Variants in TTC7B observed in about 807,000 individuals in gnomAD.
TTC7B encodes the protein tetratricopeptide repeat protein 7B.
Under a neutral mutation model 106.8 loss-of-function variants are expected in TTC7B, and 28 were observed. The ratio of observed to expected loss-of-function variants is 0.26; its 90% CI spans 0.19 to 0.36. The LOEUF (loss-of-function observed/expected upper bound fraction) is 0.36, where lower values mean the gene tolerates loss of function less well. TTC7B is among the 10% of genes least tolerant of loss of function. TTC7B has a pLI of 1.00. For synonymous variants in TTC7B, 405 were observed against 430.6 expected (o/e 0.94, Z 0.74); for missense variants, 862 against 1,076.4 (o/e 0.80, Z 2.79).
intron 5 of TTC7B, among the ~76,000 whole-genome samples, chr14:90,715,653 G>T (rs1366681220): frequency 6.6e-6 from 1 of 152,124 alleles, no homozygotes; most frequent in African/African-American, 2.4e-5. Context: ...TCACACTGCT[G>T]GTCAACAGGA....
chr14:90,525,994 A>G lies in TTC7B; in HGVS notation c.*15374T>C, dbSNP rs1232423740. 1 of 143,354 alleles carries G rather than the reference A, an allele frequency of 7.0e-6. No individual in the cohort carries two copies. The allele number at this position is 143,354 out of a possible 1,614,324, so 8.9% of individuals were successfully genotyped here. A position where few individuals can be genotyped will look rare whatever the true frequency, so the allele number is the denominator to read the frequency against. ...AAAAATAAAAAAAATAAAAAAAAAAAAGAAGTCTTTGTATTTTATATTTGT... is the reference window on the plus strand; with the variant it reads ...AAAAATAAAAAAAATAAAAAAAAAAGAGAAGTCTTTGTATTTTATATTTGT... On this transcript the variant is annotated 3_prime_UTR_variant, in exon 20 of 20. Transcript: ENST00000328459.
intron 19 of TTC7B, among the ~76,000 whole-genome samples, chr14:90,544,305 ATGCTGGAGTTCC>A (rs1362872411): frequency 6.6e-6 from 1 of 152,246 alleles, no homozygotes; most frequent in East Asian, 1.9e-4. Flanking sequence ...ACATGTGTCC[ATGCTGGAGTTCC>A]TGCATATGAC....
In TTC7B at chr14:90,531,463, AC is replaced by A. The variant is rs1889284123; in HGVS notation, c.*9904del. 6.6e-6 allele frequency: 1 copy of A among 151,796 alleles called. No individual in the cohort carries two copies. The highest frequency in any genetic ancestry group is 1.9e-4 in the East Asian group (1 of 5,182). The allele number at this position is 151,796 out of a possible 1,614,324, so 9.4% of individuals were successfully genotyped here. ...AAAACAAACAAAAAAAAAACAAAAAACAAAAATCAGCTGGACGTGATGGCGC... is the reference window on the plus strand; with the variant it reads ...AAAACAAACAAAAAAAAAACAAAAAAAAAAATCAGCTGGACGTGATGGCGC... On this transcript the variant is annotated 3_prime_UTR_variant, in exon 20 of 20. Coordinates refer to ENST00000328459, the MANE Select transcript of TTC7B (RefSeq NM_001010854.2).
chr14:90,785,889 C>T (rs1268803104), intron 2 of TTC7B, among the ~76,000 whole-genome samples: 5 of 152,246 alleles, frequency 3.3e-5, no homozygotes, highest in South Asian at 2.1e-4. Context: ...TGGGTTATAT[C>T]GGATAGCTTT....
intron 4 of TTC7B, among the ~76,000 whole-genome samples, chr14:90,737,056 A>C (rs1889561988): frequency 6.6e-6 from 1 of 152,142 alleles, no homozygotes; most frequent in Non-Finnish European, 1.5e-5. Context: ...ATTCAACTAT[A>C]TACAGATTCA....
rs1799531420 is a variant in TTC7B at position 90,537,610 on chromosome 14, A to C, written c.*3758T>G. 6.6e-6 allele frequency: 1 copy of C among 152,152 alleles called. No individual in the cohort carries two copies. The highest frequency in any genetic ancestry group is 1.5e-5 in the Non-Finnish European group (1 of 68,160). The allele number at this position is 152,152 out of a possible 1,614,324, so 9.4% of individuals were successfully genotyped here. On this transcript the variant is annotated 3_prime_UTR_variant, in exon 20 of 20. Coordinates refer to ENST00000328459, the MANE Select transcript of TTC7B (RefSeq NM_001010854.2). ...ACCTCTTCTCATCCTTCACCACCTGACCATCCCCCTCCCCTCTGGGCCTTT... is the reference window on the plus strand; with the variant it reads ...ACCTCTTCTCATCCTTCACCACCTGCCCATCCCCCTCCCCTCTGGGCCTTT...
In TTC7B at chr14:90,745,520, C is replaced by T. The variant is rs78729036; in HGVS notation, c.446-598G>A. Reference sequence around the variant, plus strand: ...AATGTTGGATTTGCTCAAATCCTTTCTCCATGTTCATTGAGATAATCATAT... The same window carrying T: ...AATGTTGGATTTGCTCAAATCCTTTTTCCATGTTCATTGAGATAATCATAT... On this transcript the variant is annotated intron_variant, in intron 3 of 19. Transcript: ENST00000328459. 3.8e-3 allele frequency among the ~76,000 whole-genome samples: 575 copies of T among 152,212 alleles called. 2 individuals carry two copies. The highest frequency in any genetic ancestry group is 0.013 in the African/African-American group (556 of 41,506).
At chr14:90,581,827 G>A (rs565962360) in intron 18 of TTC7B, among the ~76,000 whole-genome samples, 46 of 152,294 alleles carry the variant, frequency 3.0e-4, no homozygotes, top group Middle Eastern at 3.4e-3. Context: ...CTCACTGGTC[G>A]CCAAGCCTGC....
chr14:90,661,551 G>A (rs1423256981), intron 9 of TTC7B, among the ~76,000 whole-genome samples: 1 of 152,062 alleles, frequency 6.6e-6, no homozygotes, highest in Non-Finnish European at 1.5e-5. Flanking sequence ...GATGAGGGAC[G>A]ATGGAGGAGG....
intron 4 of TTC7B, among the ~76,000 whole-genome samples, chr14:90,744,183 T>G (rs956398168): frequency 1.3e-5 from 2 of 152,130 alleles, no homozygotes; most frequent in Non-Finnish European, 2.9e-5. Flanking sequence ...CTCAACCCAT[T>G]TTATTAGGAA....
chr14:90,698,706 G>T, intron 5 of TTC7B: 1 of 153,896 alleles, frequency 6.5e-6, no homozygotes, highest in Admixed American at 6.5e-5. Flanking sequence ...ACTTGGAATC[G>T]TTCCCAACAG....
chr14:90,793,252 A>G (rs532165414), intron 1 of TTC7B, among the ~76,000 whole-genome samples: 1 of 152,264 alleles, frequency 6.6e-6, no homozygotes, highest in South Asian at 2.1e-4. Context: ...GGCCAGGCAC[A>G]GTGGCTCATG....
In TTC7B at chr14:90,689,832, A is replaced by G. The variant is rs908051965; in HGVS notation, c.778-120T>C. On this transcript the variant is annotated intron_variant, in intron 6 of 19. Transcript: ENST00000328459. ...GCTAAGCACTACTGCAAGGCTCATAATTAAAAATTTTTCCTTTACGATGGT... is the reference window on the plus strand; with the variant it reads ...GCTAAGCACTACTGCAAGGCTCATAGTTAAAAATTTTTCCTTTACGATGGT... 2.5e-6 allele frequency: 3 copies of G among 1,190,218 alleles called. No individual in the cohort carries two copies. The African/African-American group carries it at 4.6e-5, about 18-fold the overall frequency. The allele number at this position is 1,190,218 out of a possible 1,614,324, so 73.7% of individuals were successfully genotyped here.
intron 9 of TTC7B, chr14:90,675,227 T>C (rs1886783808): frequency 6.6e-6 from 1 of 152,274 alleles, no homozygotes; most frequent in African/African-American, 2.4e-5. Context: ...GAAGTAGATG[T>C]GTGCGTACCA....
At chr14:90,684,253 T>C (rs963530004) in intron 7 of TTC7B, among the ~76,000 whole-genome samples, 22 of 152,236 alleles carry the variant, frequency 1.4e-4, no homozygotes, top group Non-Finnish European at 1.2e-4. Flanking sequence ...TCTTCTGCTT[T>C]ACTTTGTGTT....
intron 17 of TTC7B, among the ~76,000 whole-genome samples, chr14:90,596,974 C>T (rs2139825873): frequency 6.6e-6 from 1 of 152,332 alleles, no homozygotes; most frequent in East Asian, 1.9e-4. Context: ...ACTCAAAGGA[C>T]ACTTCAGTGC....
chr14:90,801,406 T>C (rs1566895611), intron 1 of TTC7B, among the ~76,000 whole-genome samples: 1 of 152,046 alleles, frequency 6.6e-6, no homozygotes, highest in Admixed American at 6.5e-5. Flanking sequence ...AGAAGACATC[T>C]GTATTGTCTG....
In TTC7B at chr14:90,689,564, C is replaced by T. The variant is rs778687769; in HGVS notation, c.926G>A (p.Arg309Lys). Residue 309 changes from arginine to lysine, a missense_variant, in exon 7 of 20, where the codon AGA becomes AAA. Transcript: ENST00000328459. Reference sequence around the variant, plus strand: ...CTTCTCTCCTGAGTAGACACGGGCTCTCCGAGTGAGAGTGTAGGTTTTTGT... The same window carrying T: ...CTTCTCTCCTGAGTAGACACGGGCTTTCCGAGTGAGAGTGTAGGTTTTTGT... ...ANTKTYTLTR[R>K]ARVYSGENIF... The T allele has an allele frequency of 6.2e-7, 1 of 1,614,096 alleles. No individual in the cohort carries two copies. The highest frequency in any genetic ancestry group is 8.5e-7 in the Non-Finnish European group (1 of 1,179,988).
At chr14:90,544,760 G>C (rs755577456) in intron 19 of TTC7B, among the ~76,000 whole-genome samples, 1 of 152,124 alleles carries the variant, frequency 6.6e-6, no homozygotes, top group Admixed American at 6.5e-5. Flanking sequence ...ATTATGGCAG[G>C]AGCTCGTCAC....
Sources: allele counts gnomAD v4.1 joint callset (sites outside exome capture counted in the v4.1 genomes callset), GRCh38; gene constraint gnomAD v4.1.1; transcripts MANE v1.5; gene names NCBI Gene and HGNC (gene_info 2026-07-23, HGNC 2026-07-21).